CTBP2: variants seen among roughly 807,000 people sequenced by gnomAD.
The protein encoded by CTBP2 is C-terminal binding protein 2.
Under a neutral mutation model 80.3 loss-of-function variants are expected in CTBP2, and 30 were observed. The observed-to-expected ratio is 0.37, with a 90% CI of 0.28 to 0.51. The LOEUF is 0.51. CTBP2 is among the 20% of genes least tolerant of loss of function. The pLI, the probability that CTBP2 is intolerant of heterozygous loss-of-function variation, is 0.93. For synonymous variants in CTBP2, 594 were observed against 587.4 expected, an observed-to-expected ratio of 1.01 and a Z score of -0.16; for missense variants, 1,212 against 1,375.3, an observed-to-expected ratio of 0.88 and a Z score of 1.88.
intron 1 of CTBP2, among the ~76,000 whole-genome samples, chr10:125,135,398 TC>T (rs1856832968): frequency 6.6e-6 from 1 of 152,168 alleles, no homozygotes; most frequent in African/African-American, 2.4e-5. Context: ...AGATTCTTTT[TC>T]TATAGAAATG....
Position 124,987,355 on chromosome 10 carries a change from G to T in CTBP2, c.*2163C>A, listed in dbSNP as rs1952077718. ...TTGTTTTGACTTGTTCTTCCTTGGG[G>T]TCAAATTTATATATATATATATAAA... On this transcript the variant is annotated 3_prime_UTR_variant, in exon 9 of 9. Coordinates refer to ENST00000309035, the MANE Select transcript of CTBP2 (RefSeq NM_022802.3). The T allele has an allele frequency of 6.8e-6, 1 of 147,020 alleles. No individual in the cohort carries two copies. The highest frequency in any genetic ancestry group is 2.0e-4 in the East Asian group (1 of 4,978). The allele number at this position is 147,020 out of a possible 1,614,324, so 9.1% of individuals were successfully genotyped here.
chr10:125,026,134 G>A lies in CTBP2; in HGVS notation c.1626C>T (p.Ala542=). Residue 542 remains alanine (A), a synonymous_variant, in exon 1 of 9, where the codon GCC becomes GCT. Transcript: ENST00000309035. ...CGATGATGGGTGCCCCTGTGCGCCGGGCCACCTTCTGGTACGGTGAGTGAG... is the reference window on the plus strand; with the variant it reads ...CGATGATGGGTGCCCCTGTGCGCCGAGCCACCTTCTGGTACGGTGAGTGAG... The A allele has an allele frequency of 1.3e-6, 2 of 1,598,256 alleles. No homozygotes were observed. Among genetic ancestry groups the A allele is most frequent in the Non-Finnish European group, 1.7e-6 (2 of 1,168,612 alleles).
At chr10:125,028,438 A>G (rs1443277362), upstream of CTBP2, among the ~76,000 whole-genome samples, 1 of 152,252 alleles carries the variant, frequency 6.6e-6, no homozygotes, top group Non-Finnish European at 1.5e-5. Flanking sequence ...GATAAACAGA[A>G]AAAGGTCCAC....
upstream of CTBP2, chr10:125,161,071 G>A (rs995148105): frequency 7.1e-6 from 1 of 140,692 alleles, no homozygotes; most frequent in Admixed American, 6.8e-5. Flanking sequence ...TGTTTTTGGG[G>A]GGGGGGGGCA....
intron 1 of CTBP2, among the ~76,000 whole-genome samples, chr10:125,112,976 T>TC (rs1381999045): frequency 6.6e-6 from 1 of 152,198 alleles, no homozygotes; most frequent in Non-Finnish European, 1.5e-5. Context: ...GACAGCCAGC[T>TC]CCTGCTCCAC....
chr10:125,083,086 G>A (rs543601602), intron 2 of CTBP2, among the ~76,000 whole-genome samples: 18 of 152,332 alleles, frequency 1.2e-4, no homozygotes, highest in African/African-American at 3.8e-4. Flanking sequence ...TGCAAGTACT[G>A]GGAGGGGATG....
intron 1 of CTBP2, among the ~76,000 whole-genome samples, chr10:125,151,194 C>T (rs1284575550): frequency 6.6e-6 from 1 of 152,068 alleles, no homozygotes; most frequent in Non-Finnish European, 1.5e-5. Context: ...AACATAGAGG[C>T]GAACACAGAA....
intron 1 of CTBP2, among the ~76,000 whole-genome samples, chr10:125,155,974 TC>T (rs1204163044): frequency 9.2e-5 from 14 of 152,152 alleles, no homozygotes; most frequent in African/African-American, 3.4e-4. Flanking sequence ...CAAGCATTCC[TC>T]CCCTAGCAAT....
intron 2 of CTBP2, among the ~76,000 whole-genome samples, chr10:125,041,022 T>C (rs1959587828): frequency 6.6e-6 from 1 of 152,242 alleles, no homozygotes; most frequent in African/African-American, 2.4e-5. Context: ...TCATAGAATG[T>C]GTGGGGTTAC....
chr10:125,124,328 T>A (rs1244255850), intron 1 of CTBP2, among the ~76,000 whole-genome samples: 1 of 152,168 alleles, frequency 6.6e-6, no homozygotes, highest in Non-Finnish European at 1.5e-5. Context: ...ACGCTAGCAC[T>A]CCCGGTAACT....
intron 3 of CTBP2, among the ~76,000 whole-genome samples, chr10:125,038,075 G>A (rs536939551): frequency 2.4e-4 from 36 of 152,242 alleles, no homozygotes; most frequent in Admixed American, 2.0e-3. Flanking sequence ...TTCTTGCAGC[G>A]CAGAGTTCTG....
intron 2 of CTBP2, among the ~76,000 whole-genome samples, chr10:125,105,116 C>T (rs1851255624): frequency 6.6e-6 from 1 of 152,222 alleles, no homozygotes; most frequent in Non-Finnish European, 1.5e-5. Context: ...TCTGGCCACC[C>T]AGGCATAGGC....
intron 1 of CTBP2, among the ~76,000 whole-genome samples, chr10:125,149,276 G>A (rs1053045041): frequency 2.6e-5 from 4 of 152,224 alleles, no homozygotes; most frequent in Admixed American, 6.5e-5. Context: ...TGAGAAAGCA[G>A]CTTCCCCCTT....
chr10:125,141,682 G>T (rs988732705), intron 1 of CTBP2, among the ~76,000 whole-genome samples: 1 of 151,020 alleles, frequency 6.6e-6, no homozygotes, highest in Non-Finnish European at 1.5e-5. Context: ...GGTACACAGC[G>T]AGCACACAGT....
At position 125,069,232 on chromosome 10, in the gene CTBP2, G is replaced by A. The variant is rs74163329; in HGVS notation, c.-101-30077C>T. 4.1e-3 allele frequency among the ~76,000 whole-genome samples: 620 copies of A among 152,296 alleles called. 3 individuals are homozygous for A. The highest frequency in any genetic ancestry group is 0.014 in the African/African-American group (582 of 41,554). ...TTCTATTGACAACACTACAAATTGC[G>A]TTATGATTTTATAAAGCTTTAAATT... On this transcript the variant is annotated intron_variant, in intron 2 of 10. Transcript: ENST00000337195.
upstream of CTBP2, among the ~76,000 whole-genome samples, chr10:125,161,488 C>T (rs907727574): frequency 6.6e-6 from 1 of 151,926 alleles, no homozygotes; most frequent in Non-Finnish European, 1.5e-5. Context: ...TCCCGGCCCC[C>T]GGGCTCCAAC....
chr10:125,158,169 A>AG (rs199975623), intron 1 of CTBP2, among the ~76,000 whole-genome samples: 600 of 151,354 alleles, frequency 4.0e-3, no homozygotes, highest in Middle Eastern at 6.8e-3. Context: ...TTAAAAAAAA[A>AG]GGGGGGGGTT....
At chr10:125,044,127 C>T (rs1317411224) in intron 2 of CTBP2, among the ~76,000 whole-genome samples, 1 of 152,326 alleles carries the variant, frequency 6.6e-6, no homozygotes, top group East Asian at 1.9e-4. Context: ...CATCAATGCA[C>T]AAGGTCCACC....
At chr10:125,014,058 A>C (rs1240660328) in intron 1 of CTBP2, among the ~76,000 whole-genome samples, 1 of 152,204 alleles carries the variant, frequency 6.6e-6, no homozygotes, top group Admixed American at 6.5e-5. Flanking sequence ...TAGATCTTGC[A>C]GCCTAAAAGA....
Sources: allele counts gnomAD v4.1 joint callset (sites outside exome capture counted in the v4.1 genomes callset), GRCh38; gene constraint gnomAD v4.1.1; transcripts MANE v1.5; gene names NCBI Gene and HGNC (gene_info 2026-07-23, HGNC 2026-07-21).